Variants in GNB4 observed in about 807,000 individuals in gnomAD.
GNB4 encodes the protein G protein subunit beta 4.
Under a neutral mutation model 45.2 loss-of-function variants are expected in GNB4, and 28 were observed. That is an observed-to-expected ratio of 0.62 (90% confidence interval 0.46 to 0.85). GNB4 has a LOEUF of 0.85. Among genes scored for constraint, GNB4 ranks in the 40% least tolerant of loss-of-function variants. The probability of loss-of-function intolerance (pLI) is 0.00; values close to 1 mark genes in which losing one functional copy is unlikely to be tolerated. For synonymous variants in GNB4, 132 were observed against 143.7 expected (o/e 0.92, Z 0.58); for missense variants, 321 against 425.4 (o/e 0.75, Z 2.16).
rs1028497786 is a variant in GNB4 at position 179,396,875 on chromosome 3, T to C, written c.*4338A>G. On this transcript the variant is annotated 3_prime_UTR_variant, in exon 10 of 10. Transcript: ENST00000232564. ...ATCTGAGGCAACCCAAAATGAACAA[T>C]GGAAAGAAAACTAGTAAATCTGAAA... 5 of 152,084 alleles carry C rather than the reference T, an allele frequency of 3.3e-5. No homozygotes were observed. Among genetic ancestry groups the C allele is most frequent in the African/African-American group, 1.2e-4 (5 of 41,392 alleles). 9.4% of individuals were successfully genotyped at this position (152,084 alleles called of 1,614,324 possible).
At chr3:179,480,114 C>G in the GNB4 span, among the ~76,000 whole-genome samples, 1 of 152,214 alleles carries the variant, frequency 6.6e-6, no homozygotes, top group South Asian at 2.1e-4. Flanking sequence ...CTCTTGCCCT[C>G]TCATTATGTG....
chr3:179,403,013 ATGT>A (rs1218707544), intron 9 of GNB4, among the ~76,000 whole-genome samples: 4 of 152,218 alleles, frequency 2.6e-5, no homozygotes, highest in Non-Finnish European at 4.4e-5. Context: ...TACTAGCTAA[ATGT>A]TGTGGTCCCT....
At chr3:179,439,023 G>A (rs1405716583) in intron 1 of GNB4, among the ~76,000 whole-genome samples, 2 of 152,096 alleles carry the variant, frequency 1.3e-5, no homozygotes, top group East Asian at 1.9e-4. Context: ...CAGAGTGTGG[G>A]GACCAGCAGC....
chr3:179,516,166 A>G, the GNB4 span, among the ~76,000 whole-genome samples: 1 of 152,174 alleles, frequency 6.6e-6, no homozygotes, highest in Non-Finnish European at 1.5e-5. Context: ...CCTGTTTTTA[A>G]AAGACCATTA....
chr3:179,432,829 C>T (rs1009144958), intron 1 of GNB4, among the ~76,000 whole-genome samples: 24 of 152,100 alleles, frequency 1.6e-4, no homozygotes, highest in African/African-American at 5.3e-4. Flanking sequence ...TCCTTTACAT[C>T]CATAGTTTAA....
At chr3:179,477,727 GA>G in the GNB4 span, among the ~76,000 whole-genome samples, 15 of 151,544 alleles carry the variant, frequency 9.9e-5, no homozygotes, top group Admixed American at 4.6e-4. Context: ...TGTAAAAAAT[GA>G]AAAAAAAGAT....
intron 1 of GNB4, among the ~76,000 whole-genome samples, chr3:179,435,291 A>T (rs1043359603): frequency 1.7e-4 from 26 of 152,116 alleles, no homozygotes; most frequent in Admixed American, 1.4e-3. Context: ...TTCTCTGATT[A>T]TCCTTGTACT....
chr3:179,456,001 G>A (rs1422510384), upstream of GNB4, among the ~76,000 whole-genome samples: 1 of 152,178 alleles, frequency 6.6e-6, no homozygotes, highest in Non-Finnish European at 1.5e-5. Context: ...GAACAAGGAG[G>A]AAATGCATAG....
chr3:179,527,091 G>A, the GNB4 span, among the ~76,000 whole-genome samples: 6 of 152,186 alleles, frequency 3.9e-5, no homozygotes, highest in Non-Finnish European at 8.8e-5. Context: ...CACAGCTGGA[G>A]AGAGTGTTTA....
At chr3:179,476,440 G>T in the GNB4 span, among the ~76,000 whole-genome samples, 1 of 152,156 alleles carries the variant, frequency 6.6e-6, no homozygotes, top group African/African-American at 2.4e-5. Flanking sequence ...TGTTCCTGCA[G>T]CTCTCCCAGG....
At chr3:179,475,729 C>T in the GNB4 span, among the ~76,000 whole-genome samples, 72 of 152,154 alleles carry the variant, frequency 4.7e-4, no homozygotes, top group Non-Finnish European at 8.5e-4. Flanking sequence ...GCCTCAGCCT[C>T]GCAAATTGCT....
the GNB4 span, among the ~76,000 whole-genome samples, chr3:179,491,407 A>G: frequency 6.6e-6 from 1 of 152,360 alleles, no homozygotes; most frequent in East Asian, 1.9e-4. Flanking sequence ...ATGAACAAAG[A>G]GCAGAAGGAT....
intron 9 of GNB4, 24 bp from the exon 10 acceptor site, chr3:179,401,343 A>G (rs1438458430): frequency 6.4e-7 from 1 of 1,557,454 alleles, no homozygotes; most frequent in African/African-American, 1.4e-5. Flanking sequence ...TCAGTAAAAA[A>G]TTGGCAATTG....
At chr3:179,405,089 TTCCACAACTCCAAGATG>T in intron 9 of GNB4, 84 bp downstream of exon 9, 1 of 781,678 alleles carries the variant, frequency 1.3e-6, no homozygotes, top group Non-Finnish European at 2.0e-6. Context: ...GGTTACCACT[TTCCACAACTCCAAGATG>T]TCCATGGAGG....
At chr3:179,448,118 A>T (rs1424822406) in intron 1 of GNB4, among the ~76,000 whole-genome samples, 1 of 152,234 alleles carries the variant, frequency 6.6e-6, no homozygotes, top group African/African-American at 2.4e-5. Context: ...AGAAGATGGC[A>T]GATAAGGAGT....
the GNB4 span, among the ~76,000 whole-genome samples, chr3:179,525,836 A>G: frequency 3.3e-5 from 5 of 152,212 alleles, no homozygotes; most frequent in Non-Finnish European, 7.3e-5. Context: ...AATTGGTGAG[A>G]TGTTCCTTGG....
rs1714299188 is a variant in GNB4, at chr3:179,401,472, CAAA to C, written c.917-156_917-154del. Among the ~76,000 whole-genome samples the C allele has an allele frequency of 2.0e-5, 3 of 151,042 alleles. No individual in the cohort carries two copies. The South Asian group carries it at 6.2e-4, about 31-fold the overall frequency. On this transcript the variant is annotated intron_variant, in intron 9 of 9. Transcript: ENST00000232564. ...ATAATAATAATTTAAAAGAAAACAA[CAAA>C]TTTCTCTGAGTAAGAAGACAAGTTA... is the stretch of plus-strand genomic sequence containing the variant.
chr3:179,456,934 T>C, the GNB4 span, among the ~76,000 whole-genome samples: 1 of 152,178 alleles, frequency 6.6e-6, no homozygotes, highest in African/African-American at 2.4e-5. Context: ...ATTTGGCAAA[T>C]AGTTTTCTGA....
At chr3:179,488,346 T>C in the GNB4 span, among the ~76,000 whole-genome samples, 1 of 152,184 alleles carries the variant, frequency 6.6e-6, no homozygotes, top group African/African-American at 2.4e-5. Flanking sequence ...TGTGTGTTTT[T>C]TCAGTATGCA....
Sources: allele counts gnomAD v4.1 joint callset (sites outside exome capture counted in the v4.1 genomes callset), GRCh38; gene constraint gnomAD v4.1.1; transcripts MANE v1.5; gene names NCBI Gene and HGNC (gene_info 2026-07-23, HGNC 2026-07-21).